Variants in GALNT14 observed in about 807,000 individuals in gnomAD.
GALNT14 encodes polypeptide N-acetylgalactosaminyltransferase 14.
In GALNT14, 60 loss-of-function variants were observed where a neutral mutation model predicts 77.5. The ratio of observed to expected loss-of-function variants is 0.77; its 90% CI spans 0.63 to 0.96. GALNT14 has a LOEUF of 0.96. Ranked by LOEUF, GALNT14 falls within the 40% of genes least tolerant of loss-of-function variation. The pLI is 0.00. For missense variants in GALNT14, 710 were observed against 731.0 expected (o/e 0.97, Z 0.33); for synonymous variants, 280 against 281.7 (o/e 0.99, Z 0.06).
intron 1 of GALNT14, among the ~76,000 whole-genome samples, chr2:31,019,732 C>G (rs1245639363): frequency 1.3e-5 from 2 of 152,220 alleles, no homozygotes; most frequent in African/African-American, 4.8e-5. Flanking sequence ...CAGCTCTGCA[C>G]TCACTCACTG....
intron 1 of GALNT14, chr2:31,114,735 G>A (rs543387292): frequency 1.4e-6 from 1 of 716,300 alleles, no homozygotes; most frequent in African/African-American, 1.7e-5. Context: ...TGGAAGTAAA[G>A]AATTTACCTG....
chr2:31,086,385 T>G (rs1676430662), intron 1 of GALNT14, among the ~76,000 whole-genome samples: 1 of 152,194 alleles, frequency 6.6e-6, no homozygotes, highest in South Asian at 2.1e-4. Context: ...CCAGGCTGTA[T>G]AGCTTATAGC....
chr2:30,899,602 CATT>C, the GALNT14 span, among the ~76,000 whole-genome samples: 5 of 150,990 alleles, frequency 3.3e-5, no homozygotes, highest in Middle Eastern at 0.014. Context: ...TTTCTTCCTT[CATT>C]ATGTTTGTAA....
chr2:31,038,181 G>A (rs1399041964), intron 1 of GALNT14, among the ~76,000 whole-genome samples: 5 of 134,094 alleles, frequency 3.7e-5, no homozygotes, highest in East Asian at 4.7e-4. Context: ...TGCAACCCCC[G>A]CCTCCCAGGT....
chr2:31,095,905 T>C (rs34925619), intron 1 of GALNT14, among the ~76,000 whole-genome samples: 9 of 152,184 alleles, frequency 5.9e-5, no homozygotes, highest in African/African-American at 2.2e-4. Context: ...TTTATTATCC[T>C]GCCTAGATTA....
At chr2:30,969,202 C>T (rs1215761386) in intron 2 of GALNT14, among the ~76,000 whole-genome samples, 1 of 152,194 alleles carries the variant, frequency 6.6e-6, no homozygotes, top group East Asian at 1.9e-4. Context: ...AGCAGAGTGA[C>T]TCAGCAGCCT....
chr2:31,133,646 G>A (rs983241369), intron 1 of GALNT14, among the ~76,000 whole-genome samples: 1 of 152,174 alleles, frequency 6.6e-6, no homozygotes, highest in Non-Finnish European at 1.5e-5. Flanking sequence ...AGAAATAAGA[G>A]ACAAATTTGC....
intron 7 of GALNT14, 107 bp from the exon 8 acceptor site, chr2:30,945,049 C>G: frequency 1.1e-6 from 1 of 920,642 alleles, no homozygotes; most frequent in Non-Finnish European, 1.6e-6. Context: ...AGAGGTAGGT[C>G]TCAAAGAGGC....
intron 4 of GALNT14, among the ~76,000 whole-genome samples, chr2:30,957,155 G>A (rs530691250): frequency 6.6e-6 from 1 of 152,224 alleles, no homozygotes; most frequent in East Asian, 1.9e-4. Flanking sequence ...GCTTGGCTCT[G>A]AACTTTAAAG....
rs11314175 is a variant in GALNT14 at position 30,977,092 on chromosome 2, C to CTTTTTTTTTTTTTTTTTTTTTTT, written c.300-10791_300-10790insAAAAAAAAAAAAAAAAAAAAAAA. On this transcript the variant is annotated intron_variant, in intron 2 of 14. Coordinates refer to ENST00000349752, the MANE Select transcript of GALNT14 (RefSeq NM_024572.4). ...CTTTATTCCATATTGGCTTTTCTGT[C>CTTTTTTTTTTTTTTTTTTTTTTT]TTTTTTTTTTTTTTTGAGACAGGGT... Among the ~76,000 whole-genome samples, 211 of 135,088 alleles carry CTTTTTTTTTTTTTTTTTTTTTTT rather than the reference C, an allele frequency of 1.6e-3. 15 individuals are homozygous for CTTTTTTTTTTTTTTTTTTTTTTT. Among genetic ancestry groups the CTTTTTTTTTTTTTTTTTTTTTTT allele is most frequent in the African/African-American group, 6.1e-3 (198 of 32,588 alleles). The allele number at this position is 135,088 out of a possible 152,430, so 88.6% of individuals were successfully genotyped here.
intron 13 of GALNT14, among the ~76,000 whole-genome samples, chr2:30,918,398 A>G (rs1488963348): frequency 6.6e-6 from 1 of 152,206 alleles, no homozygotes; most frequent in African/African-American, 2.4e-5. Flanking sequence ...TAAGAGGGTC[A>G]CTGCAAGGAA....
chr2:30,957,986 G>A (rs1306195337), intron 4 of GALNT14, among the ~76,000 whole-genome samples: 1 of 152,226 alleles, frequency 6.6e-6, no homozygotes, highest in Non-Finnish European at 1.5e-5. Flanking sequence ...GAATTTGGAT[G>A]AGACTCAGGT....
chr2:30,978,689 G>A (rs1413202561), intron 2 of GALNT14, among the ~76,000 whole-genome samples: 1 of 152,202 alleles, frequency 6.6e-6, no homozygotes, highest in Admixed American at 6.5e-5. Context: ...ATTTTCAGTA[G>A]CTTGAGAAGG....
rs1259191198 is a variant in GALNT14 at position 30,944,874 on chromosome 2, G to T, written c.811C>A (p.Pro271Thr). 8 of 1,608,786 alleles carry T rather than the reference G, an allele frequency of 5.0e-6. No homozygotes were observed. The highest frequency in any genetic ancestry group is 1.3e-5 in the African/African-American group (1 of 74,836). Residue 271 changes from proline (P) to threonine (T), a missense_variant, in exon 8 of 15, where the codon CCC becomes ACC. By Grantham distance (38) the Pro-to-Thr change is conservative. Coordinates refer to ENST00000349752, the MANE Select transcript of GALNT14 (RefSeq NM_024572.4). ...SPEQKARRLDPTEPIRTPIIA... is the reference protein window; with the variant it reads ...SPEQKARRLDTTEPIRTPIIA... ...CCCACTTACCTGATGGGCTCCGTGG[G>T]GTCCAGGCGCCGAGCCTTCTGCTCT...
At chr2:30,912,561 C>T (rs1014335505) in intron 13 of GALNT14, among the ~76,000 whole-genome samples, 1 of 152,238 alleles carries the variant, frequency 6.6e-6, no homozygotes, top group South Asian at 2.1e-4. Flanking sequence ...CATGAAGGGG[C>T]CTGGGCCTGG....
chr2:31,095,240 G>GT (rs1676942133), intron 1 of GALNT14, among the ~76,000 whole-genome samples: 1 of 152,144 alleles, frequency 6.6e-6, no homozygotes, highest in Non-Finnish European at 1.5e-5. Context: ...ACAACATGGG[G>GT]TGACCAGCAG....
At chr2:31,013,434 C>A (rs1007441241) in intron 1 of GALNT14, among the ~76,000 whole-genome samples, 9 of 152,176 alleles carry the variant, frequency 5.9e-5, no homozygotes, top group Admixed American at 5.9e-4. Context: ...CAGGCAGAAC[C>A]AACAAGTCAC....
At chr2:31,078,239 A>T (rs987904322) in intron 1 of GALNT14, among the ~76,000 whole-genome samples, 5 of 152,172 alleles carry the variant, frequency 3.3e-5, no homozygotes, top group Non-Finnish European at 5.9e-5. Context: ...TGGCAGGGAA[A>T]ATTCAGGCTC....
intron 6 of GALNT14, among the ~76,000 whole-genome samples, chr2:30,946,437 T>C (rs1666704261): frequency 6.6e-6 from 1 of 152,136 alleles, no homozygotes; most frequent in African/African-American, 2.4e-5. Context: ...GATCTGGTTG[T>C]TTAAAAGTGT....
Sources: gnomAD v4.1 joint callset for allele counts (sites outside exome capture counted in the v4.1 genomes callset) on GRCh38, gnomAD v4.1.1 for gene constraint, MANE v1.5 for transcripts, NCBI Gene and HGNC (gene_info 2026-07-23, HGNC 2026-07-21) for gene names.